The following GRID2 variants were observed in gnomAD, a reference collection of about 807,000 sequenced individuals.
GRID2 encodes the protein glutamate receptor ionotropic, delta-2.
Under a neutral mutation model 114.8 loss-of-function variants are expected in GRID2, and 33 were observed. That is an observed-to-expected ratio of 0.29 (90% CI 0.22 to 0.38). The LOEUF (loss-of-function observed/expected upper bound fraction) is 0.38. Among genes scored for constraint, GRID2 ranks in the 10% least tolerant of loss-of-function variants. The probability of loss-of-function intolerance (pLI) is 1.00; values close to 1 mark genes in which losing one functional copy is unlikely to be tolerated. For synonymous variants in GRID2, 505 were observed against 449.9 expected (o/e 1.12, Z -1.55); for missense variants, 1,184 against 1,257.7 (o/e 0.94, Z 0.89).
At chr4:93,135,008 A>G (rs1342380093) in intron 4 of GRID2, among the ~76,000 whole-genome samples, 1 of 152,122 alleles carries the variant, frequency 6.6e-6, no homozygotes, top group African/African-American at 2.4e-5. Flanking sequence ...GTAATATCTA[A>G]AGTGGGGGTT....
At chr4:92,695,641 A>G (rs1445254265) in intron 2 of GRID2, among the ~76,000 whole-genome samples, 1 of 152,138 alleles carries the variant, frequency 6.6e-6, no homozygotes, top group Non-Finnish European at 1.5e-5. Flanking sequence ...TTAGATTTGG[A>G]TAGCATACTG....
intron 8 of GRID2, among the ~76,000 whole-genome samples, chr4:93,259,873 A>G (rs890400972): frequency 1.3e-5 from 2 of 151,802 alleles, no homozygotes; most frequent in Non-Finnish European, 3.0e-5. Flanking sequence ...TGTGTTAAAA[A>G]TATGTACATT....
intron 2 of GRID2, among the ~76,000 whole-genome samples, chr4:92,737,610 C>T (rs529847437): frequency 2.0e-5 from 3 of 152,222 alleles, no homozygotes; most frequent in African/African-American, 7.2e-5. Flanking sequence ...ACCAACCTTC[C>T]TCTGTTGCAT....
chr4:93,729,194 C>T (rs958872929), intron 14 of GRID2, among the ~76,000 whole-genome samples: 1 of 152,104 alleles, frequency 6.6e-6, no homozygotes, highest in Non-Finnish European at 1.5e-5. Context: ...CCATGCCCGG[C>T]CCGTTCCAGA....
At chr4:93,617,827 T>C (rs1213241204) in intron 13 of GRID2, among the ~76,000 whole-genome samples, 1 of 152,194 alleles carries the variant, frequency 6.6e-6, no homozygotes, top group Non-Finnish European at 1.5e-5. Context: ...TGATTCATTA[T>C]TGTGAACAGC....
chr4:92,309,084 A>G (rs1406000134), intron 1 of GRID2, among the ~76,000 whole-genome samples: 2 of 152,064 alleles, frequency 1.3e-5, no homozygotes, highest in Admixed American at 6.6e-5. Flanking sequence ...GGTGAAATGT[A>G]CATCCACTAA....
chr4:93,801,014 A>T (rs1401525835), intron 1 of GRID2, among the ~76,000 whole-genome samples: 3 of 152,196 alleles, frequency 2.0e-5, no homozygotes, highest in Non-Finnish European at 2.9e-5. Context: ...AAACTGAATC[A>T]AATTTAATTG....
chr4:93,096,147 T>C (rs944646288), intron 3 of GRID2, among the ~76,000 whole-genome samples: 3 of 151,930 alleles, frequency 2.0e-5, no homozygotes, highest in Non-Finnish European at 2.9e-5. Context: ...GCTGAACCAA[T>C]TGGGTCCCTG....
chr4:92,467,979 G>A (rs1017454008), intron 1 of GRID2, among the ~76,000 whole-genome samples: 2 of 151,856 alleles, frequency 1.3e-5, no homozygotes, highest in African/African-American at 4.8e-5. Context: ...ATGACTACAT[G>A]AAAACTTGGG....
chr4:92,361,505 T>C (rs1171142800), intron 1 of GRID2, among the ~76,000 whole-genome samples: 1 of 151,992 alleles, frequency 6.6e-6, no homozygotes, highest in Non-Finnish European at 1.5e-5. Context: ...CAACCTTGTA[T>C]TGCTGTATCT....
chr4:93,365,047 A>G (rs565914785), intron 8 of GRID2, among the ~76,000 whole-genome samples: 1 of 151,678 alleles, frequency 6.6e-6, no homozygotes, highest in Non-Finnish European at 1.5e-5. Context: ...CCTTCCTTTC[A>G]GCCTATTCTC....
At chr4:93,794,891 T>C (rs1734766591) in intron 1 of GRID2, among the ~76,000 whole-genome samples, 1 of 152,326 alleles carries the variant, frequency 6.6e-6, no homozygotes. Flanking sequence ...GAGAGGCAGA[T>C]GAGAAGAGCT....
At chr4:93,369,192 C>A (rs756751152) in intron 8 of GRID2, among the ~76,000 whole-genome samples, 7 of 152,124 alleles carry the variant, frequency 4.6e-5, no homozygotes, top group Non-Finnish European at 7.3e-5. Context: ...TGTTAGCTGT[C>A]AGCATTCTTT....
intron 2 of GRID2, among the ~76,000 whole-genome samples, chr4:92,754,389 A>G (rs1200584740): frequency 6.6e-6 from 1 of 152,162 alleles, no homozygotes; most frequent in African/African-American, 2.4e-5. Context: ...GAGATAGACG[A>G]TCCCAGGTAA....
chr4:93,489,428 A>G (rs962245345), intron 11 of GRID2, among the ~76,000 whole-genome samples: 4 of 151,970 alleles, frequency 2.6e-5, no homozygotes, highest in Non-Finnish European at 5.9e-5. Flanking sequence ...AGAGTCTTGT[A>G]AACCTTGGTA....
chr4:92,382,300 A>G (rs187525431), intron 1 of GRID2, among the ~76,000 whole-genome samples: 3 of 152,126 alleles, frequency 2.0e-5, no homozygotes, highest in Admixed American at 2.0e-4. Context: ...CATACAAAAG[A>G]AAGCCAGGGT....
chr4:93,614,130 T>A lies in GRID2; in HGVS notation c.2194-12139T>A, dbSNP rs189880019. ...TGGGAAAGGGAACTCCCTGACCCCT[T>A]GCGCTTCCCAGGTGAGGCAATGCCT... is the stretch of plus-strand genomic sequence containing the variant. On this transcript the variant is annotated intron_variant, in intron 13 of 15. Transcript: ENST00000282020. 9.9e-3 allele frequency among the ~76,000 whole-genome samples: 1,508 copies of A among 152,316 alleles called. 33 individuals are homozygous for A. The highest frequency in any genetic ancestry group is 0.034 in the African/African-American group (1,400 of 41,592).
At chr4:92,417,292 G>T (rs1731661732) in intron 1 of GRID2, among the ~76,000 whole-genome samples, 1 of 152,166 alleles carries the variant, frequency 6.6e-6, no homozygotes, top group Middle Eastern at 3.4e-3. Flanking sequence ...ATTTAGAAGG[G>T]CTATGAAAAT....
chr4:93,389,796 T>A (rs1764672296), intron 8 of GRID2, among the ~76,000 whole-genome samples: 1 of 151,972 alleles, frequency 6.6e-6, no homozygotes. Context: ...TTTTTTCTTT[T>A]TTTTTTCTTT....
Sources: allele counts gnomAD v4.1 joint callset (sites outside exome capture counted in the v4.1 genomes callset), GRCh38; gene constraint gnomAD v4.1.1; transcripts MANE v1.5; gene names NCBI Gene and HGNC (gene_info 2026-07-23, HGNC 2026-07-21).